Variants in ANKRD27 observed in about 807,000 individuals in gnomAD.
ANKRD27 encodes ankyrin repeat domain 27, also known as ankyrin repeat domain-containing protein 27.
A neutral mutation model predicts 129.7 loss-of-function variants in ANKRD27; 112 were observed. The ratio of observed to expected loss-of-function variants is 0.86; its 90% CI spans 0.74 to 1.01. ANKRD27 has a LOEUF of 1.01. ANKRD27 is among the 50% of genes least tolerant of loss of function. ANKRD27 has a pLI of 0.00. For synonymous variants in ANKRD27, 516 were observed against 511.2 expected, an observed-to-expected ratio of 1.01 and a Z score of -0.13; for missense variants, 1,258 against 1,300.5, an observed-to-expected ratio of 0.97 and a Z score of 0.50.
chr19:32,616,476 C>T (rs767448426), intron 21 of ANKRD27, among the ~76,000 whole-genome samples: 3 of 150,098 alleles, frequency 2.0e-5, no homozygotes, highest in Middle Eastern at 3.5e-3. Flanking sequence ...TTGCTTGAAC[C>T]CAGGAGGTGG....
chr19:32,631,309 A>G, intron 13 of ANKRD27, 93 bp downstream of exon 13: 1 of 1,179,150 alleles, frequency 8.5e-7, no homozygotes, highest in Non-Finnish European at 1.2e-6. Context: ...ATGAGCCACC[A>G]TGCCTGGCCA....
chr19:32,602,537 T>C (rs1157662857), intron 25 of ANKRD27, among the ~76,000 whole-genome samples: 6 of 152,052 alleles, frequency 3.9e-5, no homozygotes, highest in Non-Finnish European at 7.4e-5. Flanking sequence ...GGTGGGAGGA[T>C]TGCTTGAGCC....
intron 1 of ANKRD27, among the ~76,000 whole-genome samples, chr19:32,674,619 G>T (rs1425046034): frequency 6.6e-6 from 1 of 151,950 alleles, no homozygotes; most frequent in Non-Finnish European, 1.5e-5. Flanking sequence ...CCCGCTCCGC[G>T]CCCTCATCAC....
At position 32,649,743 on chromosome 19, in the gene ANKRD27, C is replaced by G. The variant is rs985629606; in HGVS notation, c.152G>C (p.Cys51Ser). 6.2e-7 allele frequency: 1 copy of G among 1,614,096 alleles called. No individual in the cohort carries two copies. The highest frequency in any genetic ancestry group is 8.5e-7 in the Non-Finnish European group (1 of 1,180,006). ...GSLSSSIQST[C>S]QFESYILIPV... is the part of the protein sequence containing the mutation. ...TATCAAAATGTAGGACTCAAACTGA[C>G]AAGTAGACTGGATGCTGCTCGACAG... Residue 51 changes from cysteine to serine, a missense_variant, in exon 3 of 29, where the codon TGT becomes TCT. Physicochemically the swap from Cys to Ser is moderately radical, Grantham distance 112. Coordinates refer to ENST00000306065, the MANE Select transcript of ANKRD27 (RefSeq NM_032139.3).
In ANKRD27 at chr19:32,598,050, T is replaced by C. The variant is rs924691203; in HGVS notation, c.*95A>G. 3.9e-5 allele frequency: 46 copies of C among 1,187,894 alleles called. No homozygotes were observed. The highest frequency in any genetic ancestry group is 3.7e-4 in the Admixed American group (20 of 53,630). The allele number at this position is 1,187,894 out of a possible 1,614,324, so 73.6% of individuals were successfully genotyped here. On this transcript the variant is annotated 3_prime_UTR_variant, in exon 29 of 29. Coordinates refer to ENST00000306065, the MANE Select transcript of ANKRD27 (RefSeq NM_032139.3). ...CTGAAGACTTCTCAAGCCAGTCTCA[T>C]GGAAGCACATTTAGTTCTCAGATGT...
At chr19:32,602,190 T>A in intron 25 of ANKRD27, 64 bp from the exon 26 acceptor site, 2 of 1,066,986 alleles carry the variant, frequency 1.9e-6, no homozygotes, top group South Asian at 2.7e-5. Context: ...TTATTATTTG[T>A]TTTTGATCTA....
In ANKRD27 at chr19:32,621,802, G is replaced by C. The variant is rs557741558; in HGVS notation, c.1827+620C>G. ...TTTCACAGGGCCCTGTGCTCCCCCT[G>C]GTCAGTCTGCCACATGCCTCTCTAA... On this transcript the variant is annotated intron_variant, in intron 18 of 28. Transcript: ENST00000306065. 4.6e-5 allele frequency among the ~76,000 whole-genome samples: 7 copies of C among 152,032 alleles called. No homozygotes were observed. The South Asian group carries it at 8.3e-4, about 18-fold the overall frequency.
intron 1 of ANKRD27, among the ~76,000 whole-genome samples, chr19:32,670,029 G>A (rs184515043): frequency 2.0e-5 from 3 of 151,634 alleles, no homozygotes; most frequent in East Asian, 3.9e-4. Flanking sequence ...TGAAAAAAAC[G>A]GCAGGGAAGG....
Position 32,597,758 on chromosome 19 carries a change from G to A in ANKRD27, c.*387C>T, listed in dbSNP as rs948958163. 13 of 217,350 alleles carry A rather than the reference G, an allele frequency of 6.0e-5. No homozygotes were observed. The East Asian group carries it at 7.1e-4, about 12-fold the overall frequency. 13.5% of individuals were successfully genotyped at this position (217,350 alleles called of 1,614,324 possible). A position where few individuals can be genotyped will look rare whatever the true frequency, so the allele number is the denominator to read the frequency against. On this transcript the variant is annotated 3_prime_UTR_variant, in exon 29 of 29. Coordinates refer to ENST00000306065, the MANE Select transcript of ANKRD27 (RefSeq NM_032139.3). ...AATCCTAGGTGGAGGAATTCTAGCT[G>A]TGGTTTGTGAATGTACACAGGTCAG...
chr19:32,606,695 C>T (rs12151185), intron 23 of ANKRD27, among the ~76,000 whole-genome samples: 2 of 151,588 alleles, frequency 1.3e-5, no homozygotes, highest in African/African-American at 4.8e-5. Context: ...GCCTGAAGCT[C>T]TATGCTAGGT....
intron 23 of ANKRD27, among the ~76,000 whole-genome samples, chr19:32,607,117 C>G (rs1317401149): frequency 7.2e-6 from 1 of 139,322 alleles, no homozygotes; most frequent in Non-Finnish European, 1.5e-5. Context: ...CACGCTCCAG[C>G]CTGGGAGACA....
rs1300728050 is a variant in ANKRD27 at position 32,642,005 on chromosome 19, C to A, written c.904+19G>T. 3.2e-6 allele frequency: 5 copies of A among 1,561,104 alleles called. No homozygotes were observed. The highest frequency in any genetic ancestry group is 4.4e-6 in the Non-Finnish European group (5 of 1,148,912). ...ATGTAGCATCTACCCCTTGGCCAGT[C>A]CCCTTTCCAAGCACAAACCTCTCTG... On this transcript the variant is annotated intron_variant, in intron 10 of 28. Transcript: ENST00000306065.
chr19:32,619,803 G>T (rs1052159458), intron 18 of ANKRD27, among the ~76,000 whole-genome samples: 2 of 152,094 alleles, frequency 1.3e-5, no homozygotes, highest in Admixed American at 1.3e-4. Context: ...CCCGTGGGAG[G>T]GCTCAGGGCT....
At chr19:32,661,244 CACA>C (rs1568419923) in intron 1 of ANKRD27, among the ~76,000 whole-genome samples, 48 of 150,036 alleles carry the variant, frequency 3.2e-4, no homozygotes, top group Admixed American at 5.3e-4. Context: ...CACACACACA[CACA>C]CACATATACT....
chr19:32,666,141 T>G (rs950182848), intron 1 of ANKRD27, among the ~76,000 whole-genome samples: 4 of 152,248 alleles, frequency 2.6e-5, no homozygotes, highest in Non-Finnish European at 5.9e-5. Flanking sequence ...GTCCTCCGAC[T>G]TTTCCATAAG....
chr19:32,628,324 T>C (rs928360584), intron 14 of ANKRD27, among the ~76,000 whole-genome samples, 159 bp from the exon 15 acceptor site: 1 of 152,160 alleles, frequency 6.6e-6, no homozygotes, highest in African/African-American at 2.4e-5. Context: ...TCACCCAGCA[T>C]GAGGAACAGA....
chr19:32,662,483 T>C (rs1038744313), intron 1 of ANKRD27, among the ~76,000 whole-genome samples: 9 of 152,040 alleles, frequency 5.9e-5, no homozygotes, highest in African/African-American at 2.2e-4. Flanking sequence ...ACTCCTGTAA[T>C]CCCAGCACCT....
At position 32,607,668 on chromosome 19, in the gene ANKRD27, C is replaced by T. The variant is rs1003183525; in HGVS notation, c.2340G>A (p.Pro780=). The T allele has an allele frequency of 6.8e-6, 11 of 1,611,616 alleles. No individual in the cohort carries two copies. Among genetic ancestry groups the T allele is most frequent in the African/African-American group, 2.7e-5 (2 of 74,880 alleles). The change falls in exon 23 of 29, where the codon CCG becomes CCA. Residue 780 remains proline, a synonymous_variant. Coordinates refer to ENST00000306065, the MANE Select transcript of ANKRD27 (RefSeq NM_032139.3). ...GGCCCTGCTGGCAGGCCAGGTGGAG[C>T]GGGACGGCTTGGTCTGCGTTCCTGG... is the stretch of plus-strand genomic sequence containing the variant. ...AGARNADQAV[P]LHLACQQGHF...
Position 32,597,227 on chromosome 19 carries a change from A to G in ANKRD27, c.*918T>C, listed in dbSNP as rs1192163786. ...CCCATATACGTGTAGCTCTAGGCCA[A>G]TAACATAAAAATAACAGTATAATCT... On this transcript the variant is annotated 3_prime_UTR_variant, in exon 29 of 29. Transcript: ENST00000306065. 1 of 152,650 alleles carries G rather than the reference A, an allele frequency of 6.6e-6. No individual in the cohort carries two copies. Among genetic ancestry groups the G allele is most frequent in the Non-Finnish European group, 1.5e-5 (1 of 68,046 alleles). The allele number at this position is 152,650 out of a possible 1,614,324, so 9.5% of individuals were successfully genotyped here. A position where few individuals can be genotyped will look rare whatever the true frequency, so the allele number is the denominator to read the frequency against.
Sources: gnomAD v4.1 joint callset for allele counts (sites outside exome capture counted in the v4.1 genomes callset) on GRCh38, gnomAD v4.1.1 for gene constraint, MANE v1.5 for transcripts, NCBI Gene and HGNC (gene_info 2026-07-23, HGNC 2026-07-21) for gene names.